E2F7: variants seen among roughly 807,000 people sequenced by gnomAD.
E2F7 encodes E2F transcription factor 7, also known as transcription factor E2F7.
Under a neutral mutation model 81.1 loss-of-function variants are expected in E2F7, and 35 were observed. The ratio of observed to expected loss-of-function variants is 0.43; its 90% CI spans 0.33 to 0.57. The LOEUF (loss-of-function observed/expected upper bound fraction) is 0.57, where lower values mean the gene tolerates loss of function less well. Among genes scored for constraint, E2F7 ranks in the 20% least tolerant of loss-of-function variants. The pLI is 0.04. For missense variants in E2F7, 961 were observed against 1,093.7 expected (o/e 0.88, Z 1.71); for synonymous variants, 416 against 416.2 (o/e 1.00, Z 0.01).
chr12:77,029,812 T>A lies in E2F7; in HGVS notation c.1884+19A>T, dbSNP rs777191377. On this transcript the variant is annotated intron_variant, in intron 10 of 12. Coordinates refer to ENST00000322886, the MANE Select transcript of E2F7 (RefSeq NM_203394.3). ...GGCTAACAGGATGTCACCAGACACA[T>A]CCACCTGCACTCCCTTACCTTGGGC... The A allele has an allele frequency of 2.5e-6, 4 of 1,612,248 alleles. No homozygotes were observed. Among genetic ancestry groups the A allele is most frequent in the Admixed American group, 3.3e-5 (2 of 59,954 alleles).
intron 4 of E2F7, 24 bp downstream of exon 4, chr12:77,050,552 T>C: frequency 6.2e-7 from 1 of 1,610,424 alleles, no homozygotes; most frequent in African/African-American, 1.3e-5. Flanking sequence ...GAGACAGACC[T>C]CCAGGTAATC....
At chr12:77,040,524 G>A (rs1225940407) in intron 7 of E2F7, among the ~76,000 whole-genome samples, 1 of 152,184 alleles carries the variant, frequency 6.6e-6, no homozygotes, top group Non-Finnish European at 1.5e-5. Flanking sequence ...CCTGAGTACC[G>A]ACTTTGGAGT....
chr12:77,039,696 A>C (rs983918938), intron 7 of E2F7, among the ~76,000 whole-genome samples: 1 of 152,230 alleles, frequency 6.6e-6, no homozygotes, highest in Non-Finnish European at 1.5e-5. Context: ...GAACTCTCAT[A>C]TACTGTTGGT....
rs747630481 is a variant in E2F7, at chr12:77,028,085, T to C, written c.1938A>G (p.Ala646=). Residue 646 remains alanine, a synonymous_variant, in exon 11 of 13, where the codon GCA becomes GCG. Transcript: ENST00000322886. ...CATGAATGTCTTTGAGGGGTATAGA[T>C]GCCCTGTTACCCATAGTCTTGGGAG... The part of the protein sequence containing the change: ...LASPKTMGNR[A]SIPLKDIHVN... 2 of 1,614,086 alleles carry C rather than the reference T, an allele frequency of 1.2e-6. No homozygotes were observed. Among genetic ancestry groups the C allele is most frequent in the African/African-American group, 2.7e-5 (2 of 74,946 alleles).
Position 77,063,091 on chromosome 12 carries a change from C to T in E2F7, c.93+1452G>A, listed in dbSNP as rs115818886. ...TTCGGATGTGACTCACCCCTTTGTCCAGCGTATTTGCACGGTAGATACTAC... is the reference window on the plus strand; with the variant it reads ...TTCGGATGTGACTCACCCCTTTGTCTAGCGTATTTGCACGGTAGATACTAC... On this transcript the variant is annotated intron_variant, in intron 2 of 12. Coordinates refer to ENST00000322886, the MANE Select transcript of E2F7 (RefSeq NM_203394.3). Among the ~76,000 whole-genome samples the T allele has an allele frequency of 2.7e-3, 414 of 152,220 alleles. 5 individuals carry two copies. The highest frequency in any genetic ancestry group is 9.7e-3 in the African/African-American group (404 of 41,534).
Position 77,023,920 on chromosome 12 carries a change from G to A in E2F7, c.*95C>T. On this transcript the variant is annotated 3_prime_UTR_variant, in exon 13 of 13. Coordinates refer to ENST00000322886, the MANE Select transcript of E2F7 (RefSeq NM_203394.3). ...GAAGTGTGGATGAAAGAGAGAGGAA[G>A]GACCCGTGCTCAGGACGGGATGGTT... 1.4e-6 allele frequency: 2 copies of A among 1,411,680 alleles called. No individual in the cohort carries two copies. Among genetic ancestry groups the A allele is most frequent in the South Asian group, 2.8e-5 (2 of 72,270 alleles). The allele number at this position is 1,411,680 out of a possible 1,614,324, so 87.4% of individuals were successfully genotyped here.
chr12:77,032,542 C>T (rs776336915), intron 9 of E2F7, among the ~76,000 whole-genome samples: 1 of 152,114 alleles, frequency 6.6e-6, no homozygotes, highest in Non-Finnish European at 1.5e-5. Flanking sequence ...GGTATGAATC[C>T]CAGCTTTGTC....
intron 9 of E2F7, among the ~76,000 whole-genome samples, chr12:77,032,459 C>T (rs760475092): frequency 2.0e-5 from 3 of 152,182 alleles, no homozygotes; most frequent in Admixed American, 6.5e-5. Context: ...CTCTGTTTAG[C>T]GTTTCTTCTG....
chr12:77,022,790 A>T lies in E2F7; in HGVS notation c.*1225T>A, dbSNP rs1019867078. ...GGCGACTTAATGCACCCCTAAAGTA[A>T]TGTGGGTTAAAAAAGGGAAATTGCA... On this transcript the variant is annotated 3_prime_UTR_variant, in exon 13 of 13. Transcript: ENST00000322886. 6.6e-6 allele frequency: 1 copy of T among 152,194 alleles called. No homozygotes were observed. Among genetic ancestry groups the T allele is most frequent in the African/African-American group, 2.4e-5 (1 of 41,442 alleles). 9.4% of individuals were successfully genotyped at this position (152,194 alleles called of 1,614,324 possible). A position where few individuals can be genotyped will look rare whatever the true frequency, so the allele number is the denominator to read the frequency against.
At chr12:77,032,339 T>C (rs1482308788) in intron 9 of E2F7, among the ~76,000 whole-genome samples, 1 of 152,238 alleles carries the variant, frequency 6.6e-6, no homozygotes, top group Non-Finnish European at 1.5e-5. Flanking sequence ...CCTGTCCTGT[T>C]TGGACAAACC....
chr12:77,025,593 C>A lies in E2F7; in HGVS notation c.2530G>T (p.Val844Leu), dbSNP rs138091106. 2 of 1,614,202 alleles carry A rather than the reference C, an allele frequency of 1.2e-6. No individual in the cohort carries two copies. Among genetic ancestry groups the A allele is most frequent in the Non-Finnish European group, 1.7e-6 (2 of 1,180,054 alleles). The change falls in exon 12 of 13, where the codon GTG (valine) becomes TTG (leucine). Residue 844 changes from valine (V) to leucine (L), a missense_variant. Transcript: ENST00000322886. ...VVQQPESPVYVGHPVSVVKLH... is the reference protein window; with the variant it reads ...VVQQPESPVYLGHPVSVVKLH... ...TTTACTACTGAGACTGGATGTCCCA[C>A]GTAAACGGGGGACTCAGGTTGTTGG...
chr12:77,047,700 A>G (rs1329186253), intron 4 of E2F7, among the ~76,000 whole-genome samples: 1 of 152,238 alleles, frequency 6.6e-6, no homozygotes, highest in Non-Finnish European at 1.5e-5. Flanking sequence ...TATCACATGC[A>G]TGAAGAGGCA....
chr12:77,046,531 T>C (rs771957620), intron 4 of E2F7, among the ~76,000 whole-genome samples: 6 of 152,204 alleles, frequency 3.9e-5, no homozygotes, highest in Non-Finnish European at 8.8e-5. Flanking sequence ...ATCCAACCCT[T>C]AAAAAAATCT....
Position 77,044,784 on chromosome 12 carries a change from T to C in E2F7, c.841A>G (p.Ser281Gly). Reference sequence around the variant, plus strand: ...ATTCTCAGAGACTTGTCTTTTCTACTGTTTGCAGATGCTACACAAGGAATG... The same window carrying C: ...ATTCTCAGAGACTTGTCTTTTCTACCGTTTGCAGATGCTACACAAGGAATG... ...EPDCPSSSAN[S>G]RKDKSLRIMS... Residue 281 changes from serine to glycine, a missense_variant, in exon 6 of 13, where the codon AGT becomes GGT. This residue lies in a region of E2F7 where 301 missense variants were observed against 405.0 expected (regional missense o/e 0.74). Transcript: ENST00000322886. 6.2e-7 allele frequency: 1 copy of C among 1,613,708 alleles called. No homozygotes were observed. Among genetic ancestry groups the C allele is most frequent in the Non-Finnish European group, 8.5e-7 (1 of 1,179,906 alleles).
intron 9 of E2F7, 84 bp from the exon 10 acceptor site, chr12:77,030,416 T>G: frequency 6.8e-7 from 1 of 1,473,526 alleles, no homozygotes; most frequent in Middle Eastern, 1.8e-4. Context: ...CCATGCCAAA[T>G]CAAGAATGAG....
At chr12:77,042,404 A>T (rs1473612675) in intron 7 of E2F7, among the ~76,000 whole-genome samples, 1 of 152,258 alleles carries the variant, frequency 6.6e-6, no homozygotes, top group Admixed American at 6.5e-5. Flanking sequence ...TAATTTAAAA[A>T]TGACTTTAAT....
intron 3 of E2F7, 68 bp from the exon 4 acceptor site, chr12:77,050,812 G>T (rs1954980574): frequency 1.3e-6 from 2 of 1,525,436 alleles, no homozygotes; most frequent in African/African-American, 1.4e-5. Flanking sequence ...AAATGGCAAT[G>T]GCCAGTGTTG....
rs150762015 is a variant in E2F7, at chr12:77,061,882, T to C, written c.93+2661A>G. 1.8e-4 allele frequency among the ~76,000 whole-genome samples: 28 copies of C among 152,374 alleles called. No individual in the cohort carries two copies. In the East Asian group the frequency reaches 5.4e-3, roughly 29 times the overall value. ...CCTAAAATGTCCATCTCGTTCACTC[T>C]TGCTTTCTTGTAGGTTGAGCTTCCT... On this transcript the variant is annotated intron_variant, in intron 2 of 12. Transcript: ENST00000322886.
In E2F7 at chr12:77,022,634, A is replaced by T. The variant is rs1399688706; in HGVS notation, c.*1381T>A. 6.6e-6 allele frequency: 1 copy of T among 152,532 alleles called. No individual in the cohort carries two copies. Among genetic ancestry groups the T allele is most frequent in the African/African-American group, 2.4e-5 (1 of 41,414 alleles). 9.4% of individuals were successfully genotyped at this position (152,532 alleles called of 1,614,324 possible). The stretch of plus-strand genomic sequence containing the variant: ...TAAGAGAGGAAGAGGAAGGAAGAAA[A>T]GAAGTAGGAAGGAGGGAAGGAAGAG... On this transcript the variant is annotated 3_prime_UTR_variant, in exon 13 of 13. Coordinates refer to ENST00000322886, the MANE Select transcript of E2F7 (RefSeq NM_203394.3).
Sources: allele counts gnomAD v4.1 joint callset (sites outside exome capture counted in the v4.1 genomes callset), GRCh38; gene constraint gnomAD v4.1.1; regional missense constraint gnomAD v4.1.1; transcripts MANE v1.5; gene names NCBI Gene and HGNC (gene_info 2026-07-23, HGNC 2026-07-21).